AMIGO3: variants seen among roughly 807,000 people sequenced by gnomAD.
The protein encoded by AMIGO3 is adhesion molecule with Ig like domain 3.
Under a neutral mutation model 4.3 loss-of-function variants are expected in AMIGO3, and 6 were observed. The observed-to-expected ratio is 1.39, with a 90% CI of 0.76 to 2.75. The LOEUF is 2.75. Ranked by LOEUF, AMIGO3 falls within the 30% of genes most tolerant of loss-of-function variation. The pLI is 0.00. For missense variants in AMIGO3, 771 were observed against 692.1 expected, an observed-to-expected ratio of 1.11 and a Z score of -1.28; for synonymous variants, 315 against 320.0, an observed-to-expected ratio of 0.98 and a Z score of 0.17.
chr3:49,717,819 C>T lies in AMIGO3; in HGVS notation c.*132G>A, dbSNP rs756125285. The T allele has an allele frequency of 9.2e-6, 9 of 982,430 alleles. No individual in the cohort carries two copies. The highest frequency in any genetic ancestry group is 5.0e-5 in the East Asian group (2 of 40,198). 60.9% of individuals were successfully genotyped at this position (982,430 alleles called of 1,614,324 possible). ...GTGAGCGAGAAGGCCCATTGTGTTT[C>T]GAGGCCCATACAGGAAGCTGGGGGG... is the stretch of plus-strand genomic sequence containing the variant. On this transcript the variant is annotated 3_prime_UTR_variant, in exon 1 of 1. Transcript: ENST00000320431.
At position 49,717,911 on chromosome 3, in the gene AMIGO3, G is replaced by A. The variant is rs761757158; in HGVS notation, c.*40C>T. ...ACCGAAGCAGGGAGCAGGGCGAGCA[G>A]CAAGAGGGTGGGGGCCTGGGTGGGG... On this transcript the variant is annotated 3_prime_UTR_variant, in exon 1 of 1. Coordinates refer to ENST00000320431, the MANE Select transcript of AMIGO3 (RefSeq NM_198722.3). The A allele has an allele frequency of 6.3e-7, 1 of 1,578,686 alleles. No individual in the cohort carries two copies. Among genetic ancestry groups the A allele is most frequent in the Admixed American group, 1.7e-5 (1 of 57,992 alleles).
Position 49,717,475 on chromosome 3 carries a change from C to CA in AMIGO3, c.*475dup, listed in dbSNP as rs2080271057. On this transcript the variant is annotated 3_prime_UTR_variant, in exon 1 of 1. Transcript: ENST00000320431. ...TTTTCCCTGTGGGCCCACTCCCTCCCACCCCCTTGGGAAGGGGAGGTGGCC... is the reference window on the plus strand; with the variant it reads ...TTTTCCCTGTGGGCCCACTCCCTCCCAACCCCCTTGGGAAGGGGAGGTGGCC... 5.7e-6 allele frequency: 1 copy of CA among 175,432 alleles called. No homozygotes were observed. Among genetic ancestry groups the CA allele is most frequent in the Non-Finnish European group, 1.2e-5 (1 of 80,920 alleles). 10.9% of individuals were successfully genotyped at this position (175,432 alleles called of 1,614,324 possible).
Position 49,718,867 on chromosome 3 carries a change from AC to A in AMIGO3, c.598del (p.Val200TyrfsTer40). 1 of 1,613,464 alleles carries A rather than the reference AC, an allele frequency of 6.2e-7. No homozygotes were observed. On this transcript the variant is annotated frameshift_variant, in exon 1 of 1. Transcript: ENST00000320431. LOFTEE classifies it low-confidence loss of function (END_TRUNC). ...GGCCGGCAGCGCGGCCAGCTCAGGT[AC>A]GGAGATGTGTCCCAGCCGGTTGGAG... The part of the protein sequence containing the change: ...LSSNRLGHIS[V>X]PELAALPAFL...
In AMIGO3 at chr3:49,718,613, C is replaced by T. The variant is rs760617823; in HGVS notation, c.853G>A (p.Glu285Lys). The T allele has an allele frequency of 1.9e-6, 3 of 1,613,008 alleles. No homozygotes were observed. The highest frequency in any genetic ancestry group is 2.2e-5 in the East Asian group (1 of 44,880). The change falls in exon 1 of 1, where the codon GAA becomes AAA. Residue 285 changes from glutamate to lysine, a missense_variant. Transcript: ENST00000320431. Reference sequence around the variant, plus strand: ...CCCACCAGCGCGTACAGGTGCTCTTCCGGCCGCTCTAGGCCAAGAGCTGGG... The same window carrying T: ...CCCACCAGCGCGTACAGGTGCTCTTTCGGCCGCTCTAGGCCAAGAGCTGGG... ...SAPALGLERP[E>K]EHLYALVGRS...
rs549707662 is a variant in AMIGO3 at position 49,719,194 on chromosome 3, T to A, written c.272A>T (p.His91Leu). Residue 91 changes from histidine to leucine, a missense_variant, in exon 1 of 1, where the codon CAC becomes CTC. Coordinates refer to ENST00000320431, the MANE Select transcript of AMIGO3 (RefSeq NM_198722.3). ...LAPLFQLRAL[H>L]LDHNELDALG... ...CGCATCTAGTTCGTTGTGGTCTAGG[T>A]GCAGGGCGCGCAGCTGGAAGAGGGG... The A allele has an allele frequency of 7.8e-5, 126 of 1,613,292 alleles. 1 individual carries two copies. The highest frequency in any genetic ancestry group is 6.3e-4 in the South Asian group (57 of 91,066).
At position 49,718,304 on chromosome 3, in the gene AMIGO3, G is replaced by C. The variant is rs778881594; in HGVS notation, c.1162C>G (p.Leu388Val). Residue 388 changes from leucine (L) to valine (V), a missense_variant, in exon 1 of 1, where the codon CTG becomes GTG. Physicochemically the swap from Leu to Val is conservative, Grantham distance 32. Transcript: ENST00000320431. ...ACAAGGCCCACGGCACAGCCCAGCAGTGTGGTGAAGCCTGTGTTGAAAGCC... is the reference window on the plus strand; with the variant it reads ...ACAAGGCCCACGGCACAGCCCAGCACTGTGGTGAAGCCTGTGTTGAAAGCC... Reference protein sequence around the residue: ...PEAFNTGFTTLLGCAVGLVLV... With the variant: ...PEAFNTGFTTVLGCAVGLVLV... 3.1e-6 allele frequency: 5 copies of C among 1,613,260 alleles called. No individual in the cohort carries two copies. In the Middle Eastern group the frequency reaches 4.9e-4, roughly 160 times the overall value.
rs774508864 is a variant in AMIGO3, at chr3:49,718,605, G to C, written c.861C>G (p.His287Gln). ...GGGACCGACCCACCAGCGCGTACAG[G>C]TGCTCTTCCGGCCGCTCTAGGCCAA... The part of the protein sequence containing the change: ...PALGLERPEE[H>Q]LYALVGRSLR... Residue 287 changes from histidine to glutamine, a missense_variant, in exon 1 of 1, where the codon CAC becomes CAG. His to Gln is a conservative substitution (Grantham distance 24). Transcript: ENST00000320431. 1.2e-6 allele frequency: 2 copies of C among 1,613,004 alleles called. No individual in the cohort carries two copies. Among genetic ancestry groups the C allele is most frequent in the Non-Finnish European group, 8.5e-7 (1 of 1,179,954 alleles).
chr3:49,717,404 T>C lies in AMIGO3; in HGVS notation c.*547A>G, dbSNP rs1476317479. 6.2e-6 allele frequency: 1 copy of C among 161,016 alleles called. No homozygotes were observed. The highest frequency in any genetic ancestry group is 1.4e-5 in the Non-Finnish European group (1 of 72,442). 10.0% of individuals were successfully genotyped at this position (161,016 alleles called of 1,614,324 possible). On this transcript the variant is annotated 3_prime_UTR_variant, in exon 1 of 1. Transcript: ENST00000320431. ...CACCAGAGGGCGGGCTTGTTTCCTCTTTCTGTCCTGGGGTGTGGGCGAGAT... is the reference window on the plus strand; with the variant it reads ...CACCAGAGGGCGGGCTTGTTTCCTCCTTCTGTCCTGGGGTGTGGGCGAGAT...
At position 49,718,703 on chromosome 3, in the gene AMIGO3, T is replaced by C. The variant is rs761304460; in HGVS notation, c.763A>G (p.Lys255Glu). Residue 255 changes from lysine to glutamate, a missense_variant, in exon 1 of 1, where the codon AAG becomes GAG. Coordinates refer to ENST00000320431, the MANE Select transcript of AMIGO3 (RefSeq NM_198722.3). Reference protein sequence around the residue: ...FAREYVCLAFKVPASRVRFFQ... With the variant: ...FAREYVCLAFEVPASRVRFFQ... The stretch of plus-strand genomic sequence containing the variant: ...AAGCGCACGCGGGACGCGGGTACCT[T>C]GAAGGCCAAGCATACGTACTCGCGC... The C allele has an allele frequency of 2.5e-6, 4 of 1,612,880 alleles. No homozygotes were observed. The highest frequency in any genetic ancestry group is 4.5e-5 in the East Asian group (2 of 44,892).
rs1423812357 is a variant in AMIGO3 at position 49,718,675 on chromosome 3, A to C, written c.791T>G (p.Phe264Cys). 6.2e-7 allele frequency: 1 copy of C among 1,612,980 alleles called. No individual in the cohort carries two copies. The highest frequency in any genetic ancestry group is 1.7e-5 in the Admixed American group (1 of 60,024). Residue 264 changes from phenylalanine (F) to cysteine (C), a missense_variant, in exon 1 of 1, where the codon TTC becomes TGC. Transcript: ENST00000320431. ...GTTCTCAAAGACGCGGCTGTGCTGG[A>C]AGAAGCGCACGCGGGACGCGGGTAC... Reference protein sequence around the residue: ...FKVPASRVRFFQHSRVFENCS... With the variant: ...FKVPASRVRFCQHSRVFENCS...
rs1351104410 is a variant in AMIGO3, at chr3:49,718,463, C to T, written c.1003G>A (p.Gly335Ser). ...TGTACGTTGCCTATGGCCAAGCTGC[C>T]GTCGGCCAGCACCGCGATGCTGCCA... ...RDGSIAVLAD[G>S]SLAIGNVQEQ... The change falls in exon 1 of 1, where the codon GGC becomes AGC. Residue 335 changes from glycine (G) to serine (S), a missense_variant. Coordinates refer to ENST00000320431, the MANE Select transcript of AMIGO3 (RefSeq NM_198722.3). 2 of 1,612,912 alleles carry T rather than the reference C, an allele frequency of 1.2e-6. No individual in the cohort carries two copies. Among genetic ancestry groups the T allele is most frequent in the Middle Eastern group, 1.6e-4 (1 of 6,062 alleles).
In AMIGO3 at chr3:49,717,315, A is replaced by C. The variant is rs2108202197; in HGVS notation, c.*636T>G. The C allele has an allele frequency of 6.4e-6, 1 of 156,252 alleles. No individual in the cohort carries two copies. Among genetic ancestry groups the C allele is most frequent in the East Asian group, 1.9e-4 (1 of 5,168 alleles). The allele number at this position is 156,252 out of a possible 1,614,324, so 9.7% of individuals were successfully genotyped here. ...TTCCTGCCTGGTGCCTGCCCACCGGACTCTGCGTGAAGTTGTGAAGCTTTC... is the reference window on the plus strand; with the variant it reads ...TTCCTGCCTGGTGCCTGCCCACCGGCCTCTGCGTGAAGTTGTGAAGCTTTC... On this transcript the variant is annotated 3_prime_UTR_variant, in exon 1 of 1. Coordinates refer to ENST00000320431, the MANE Select transcript of AMIGO3 (RefSeq NM_198722.3).
Position 49,719,670 on chromosome 3 carries a change from T to A in AMIGO3, c.-205A>T. 1 of 568,130 alleles carries A rather than the reference T, an allele frequency of 1.8e-6. No individual in the cohort carries two copies. The allele number at this position is 568,130 out of a possible 1,614,324, so 35.2% of individuals were successfully genotyped here. On this transcript the variant is annotated 5_prime_UTR_variant, in exon 1 of 1. In the 5' UTR this introduces an upstream ATG that the reference lacks. Transcript: ENST00000320431. ...CACTCTTAGCCGCGCTCCCTTCGGC[T>A]TCGCTAGCCCTCTCCAAGCGAGTTC...
Position 49,719,236 on chromosome 3 carries a change from C to T in AMIGO3, c.230G>A (p.Arg77His). The T allele has an allele frequency of 2.5e-6, 4 of 1,613,108 alleles. No homozygotes were observed. The highest frequency in any genetic ancestry group is 3.4e-6 in the Non-Finnish European group (4 of 1,179,814). Reference sequence around the variant, plus strand: ...GAAGAGGGGCGCCAACCAGCCGGGGCGCAGGCGCTGGAGCGCGTTGTGGCT... The same window carrying T: ...GAAGAGGGGCGCCAACCAGCCGGGGTGCAGGCGCTGGAGCGCGTTGTGGCT... The part of the protein sequence containing the change: ...DLSHNALQRL[R>H]PGWLAPLFQL... Residue 77 changes from arginine to histidine, a missense_variant, in exon 1 of 1, where the codon CGC becomes CAC. By Grantham distance (29) the Arg-to-His change is conservative. Transcript: ENST00000320431.
chr3:49,718,655 C>T lies in AMIGO3; in HGVS notation c.811G>A (p.Glu271Lys), dbSNP rs1559691153. Reference protein sequence around the residue: ...VRFFQHSRVFENCSSAPALGL... With the variant: ...VRFFQHSRVFKNCSSAPALGL... ...AGAGCTGGGGCCGACGAGCAGTTCT[C>T]AAAGACGCGGCTGTGCTGGAAGAAG... Residue 271 changes from glutamate (E) to lysine (K), a missense_variant, in exon 1 of 1, where the codon GAG becomes AAG. By Grantham distance (56) the Glu-to-Lys change is moderately conservative. Coordinates refer to ENST00000320431, the MANE Select transcript of AMIGO3 (RefSeq NM_198722.3). 6.2e-6 allele frequency: 10 copies of T among 1,612,810 alleles called. No individual in the cohort carries two copies. The highest frequency in any genetic ancestry group is 1.7e-5 in the Admixed American group (1 of 59,986).
At position 49,718,869 on chromosome 3, in the gene AMIGO3, G is replaced by C; in HGVS notation, c.597C>G (p.Ser199=). Residue 199 remains serine (S), a synonymous_variant, in exon 1 of 1, where the codon TCC becomes TCG. Transcript: ENST00000320431. ...DLSSNRLGHI[S]VPELAALPAF... is the part of the protein sequence containing the mutation. ...CCGGCAGCGCGGCCAGCTCAGGTACGGAGATGTGTCCCAGCCGGTTGGAGG... is the reference window on the plus strand; with the variant it reads ...CCGGCAGCGCGGCCAGCTCAGGTACCGAGATGTGTCCCAGCCGGTTGGAGG... The C allele has an allele frequency of 6.2e-7, 1 of 1,613,522 alleles. No individual in the cohort carries two copies.
chr3:49,718,023 A>G lies in AMIGO3; in HGVS notation c.1443T>C (p.Pro481=). The G allele has an allele frequency of 3.1e-6, 5 of 1,613,664 alleles. No individual in the cohort carries two copies. Among genetic ancestry groups the G allele is most frequent in the Non-Finnish European group, 4.2e-6 (5 of 1,180,040 alleles). ...AVAEEFDLYN[P]GGLQLKAGSE... is the part of the protein sequence containing the mutation. ...AGCCAGCCTTCAGCTGCAGGCCTCC[A>G]GGGTTGTAGAGATCGAATTCCTCAG... The change falls in exon 1 of 1, where the codon CCT becomes CCC. Residue 481 remains proline (P), a synonymous_variant. Coordinates refer to ENST00000320431, the MANE Select transcript of AMIGO3 (RefSeq NM_198722.3).
Position 49,719,574 on chromosome 3 carries a change from G to A in AMIGO3, c.-109C>T. 1 of 981,128 alleles carries A rather than the reference G, an allele frequency of 1.0e-6. No homozygotes were observed. The highest frequency in any genetic ancestry group is 1.5e-6 in the Non-Finnish European group (1 of 662,772). The allele number at this position is 981,128 out of a possible 1,614,324, so 60.8% of individuals were successfully genotyped here. A position where few individuals can be genotyped will look rare whatever the true frequency, so the allele number is the denominator to read the frequency against. ...TGGGTGGCACCGGATGGCCCTTGCC[G>A]AGGAGGCACGGCGGGTTCTTGCCAG... On this transcript the variant is annotated 5_prime_UTR_variant, in exon 1 of 1. Coordinates refer to ENST00000320431, the MANE Select transcript of AMIGO3 (RefSeq NM_198722.3).
Position 49,717,783 on chromosome 3 carries a change from T to C in AMIGO3, c.*168A>G. 2.7e-6 allele frequency: 2 copies of C among 745,332 alleles called. No homozygotes were observed. The highest frequency in any genetic ancestry group is 4.3e-6 in the Non-Finnish European group (2 of 468,338). 46.2% of individuals were successfully genotyped at this position (745,332 alleles called of 1,614,324 possible). A position where few individuals can be genotyped will look rare whatever the true frequency, so the allele number is the denominator to read the frequency against. On this transcript the variant is annotated 3_prime_UTR_variant, in exon 1 of 1. Coordinates refer to ENST00000320431, the MANE Select transcript of AMIGO3 (RefSeq NM_198722.3). Reference sequence around the variant, plus strand: ...AAGGCAGGTTGGGGACCACAACCCCTGTCTCTACCAGTGAGCGAGAAGGCC... The same window carrying C: ...AAGGCAGGTTGGGGACCACAACCCCCGTCTCTACCAGTGAGCGAGAAGGCC...
Sources: gnomAD v4.1 joint callset for allele counts on GRCh38, gnomAD v4.1.1 for gene constraint, MANE v1.5 for transcripts, NCBI Gene and HGNC (gene_info 2026-07-23, HGNC 2026-07-21) for gene names.